Variants in MAP1LC3B2 observed in about 807,000 individuals in gnomAD.
The protein encoded by MAP1LC3B2 is microtubule associated protein 1 light chain 3 beta 2.
For missense variants in MAP1LC3B2, 155 were observed against 154.6 expected, an observed-to-expected ratio of 1.00 and a Z score of -0.01; for synonymous variants, 62 against 57.8, an observed-to-expected ratio of 1.07 and a Z score of -0.33.
At position 116,560,252 on chromosome 12, in the gene MAP1LC3B2, G is replaced by GTA. The variant is rs1446414621; in HGVS notation, c.-102+831_-102+832dup. Among the ~76,000 whole-genome samples, 36 of 100,354 alleles carry GTA rather than the reference G, an allele frequency of 3.6e-4. No homozygotes were observed. In the South Asian group the frequency reaches 5.1e-3, roughly 14 times the overall value. 65.8% of individuals were successfully genotyped at this position (100,354 alleles called of 152,430 possible). ...TATATATATATATATGTATGTATATGTATATATATATATTTAGATAGAGTC... is the reference window on the plus strand; with the variant it reads ...TATATATATATATATGTATGTATATGTATATATATATATATTTAGATAGAGTC... On this transcript the variant is annotated intron_variant, in intron 1 of 1. Transcript: ENST00000556529.
chr12:116,566,226 G>T (rs1466761782), intron 1 of MAP1LC3B2, among the ~76,000 whole-genome samples: 1 of 152,212 alleles, frequency 6.6e-6, no homozygotes, highest in African/African-American at 2.4e-5. Flanking sequence ...AAAACATGCA[G>T]CAAAATGCAT....
At chr12:116,571,254 C>T (rs1452746971) in intron 1 of MAP1LC3B2, among the ~76,000 whole-genome samples, 1 of 152,110 alleles carries the variant, frequency 6.6e-6, no homozygotes, top group Non-Finnish European at 1.5e-5. Flanking sequence ...ACGTCTTCCT[C>T]TTGGAAGTGC....
rs1869690357 is a variant in MAP1LC3B2 at position 116,576,461 on chromosome 12, G to A, written c.*141G>A. Reference sequence around the variant, plus strand: ...TGTTCCCACCTAGGAGTGTTAGGAAGTTGTGTTTGTGTTTCAAGCAGAAAA... The same window carrying A: ...TGTTCCCACCTAGGAGTGTTAGGAAATTGTGTTTGTGTTTCAAGCAGAAAA... On this transcript the variant is annotated 3_prime_UTR_variant, in exon 2 of 2. Coordinates refer to ENST00000556529, the MANE Select transcript of MAP1LC3B2 (RefSeq NM_001085481.3). 1 of 1,288,410 alleles carries A rather than the reference G, an allele frequency of 7.8e-7. No homozygotes were observed. 79.8% of individuals were successfully genotyped at this position (1,288,410 alleles called of 1,614,324 possible).
chr12:116,560,185 T>A (rs1320030933), intron 1 of MAP1LC3B2: 1 of 122,468 alleles, frequency 8.2e-6, no homozygotes, highest in Non-Finnish European at 1.7e-5. Context: ...AAGCTAAGTT[T>A]GGCTATATAT....
chr12:116,567,283 C>G (rs1214349052), intron 1 of MAP1LC3B2, among the ~76,000 whole-genome samples: 1 of 152,050 alleles, frequency 6.6e-6, no homozygotes, highest in African/African-American at 2.4e-5. Context: ...CCCTCAGGTT[C>G]TCAACTTAGA....
At chr12:116,575,025 C>CA (rs1869634853) in intron 1 of MAP1LC3B2, among the ~76,000 whole-genome samples, 2 of 151,820 alleles carry the variant, frequency 1.3e-5, no homozygotes, top group Non-Finnish European at 2.9e-5. Flanking sequence ...ACTAAAAATA[C>CA]AAAAATTATC....
Position 116,576,048 on chromosome 12 carries a change from G to A in MAP1LC3B2, c.106G>A (p.Glu36Lys). The A allele has an allele frequency of 6.2e-7, 1 of 1,614,214 alleles. No individual in the cohort carries two copies. Among genetic ancestry groups the A allele is most frequent in the Non-Finnish European group, 8.5e-7 (1 of 1,180,046 alleles). ...QHPTKIPVII[E>K]RYKGEKQLPV... ...TCCAACCAAAATCCCGGTGATAATA[G>A]AACGATACAAGGGTGAGAAGCAGCT... Residue 36 changes from glutamate to lysine, a missense_variant, in exon 2 of 2, where the codon GAA (glutamate) becomes AAA (lysine). Coordinates refer to ENST00000556529, the MANE Select transcript of MAP1LC3B2 (RefSeq NM_001085481.3).
chr12:116,571,458 C>CTTTTTTTT lies in MAP1LC3B2; in HGVS notation c.-101-4351_-101-4344dup, dbSNP rs71095564. ...TAGATGGGAGTAAGGGACTGCTGTT[C>CTTTTTTTT]TTTTTTTTTTTTTTTTTTTTTTTTT... On this transcript the variant is annotated intron_variant, in intron 1 of 1. Coordinates refer to ENST00000556529, the MANE Select transcript of MAP1LC3B2 (RefSeq NM_001085481.3). Among the ~76,000 whole-genome samples, 268 of 48,108 alleles carry CTTTTTTTT rather than the reference C, an allele frequency of 5.6e-3. 58 individuals carry two copies. The highest frequency in any genetic ancestry group is 0.028 in the East Asian group (23 of 808). 31.6% of individuals were successfully genotyped at this position (48,108 alleles called of 152,430 possible).
chr12:116,560,224 A>ATATATATT (rs1869229762), intron 1 of MAP1LC3B2: 1 of 108,568 alleles, frequency 9.2e-6, no homozygotes, highest in Non-Finnish European at 1.9e-5. Flanking sequence ...ATATATATAT[A>ATATATATT]TATATATATA....
At chr12:116,571,458 CTTTTTTTTTTTTTTTTTTTTT>C (rs71095564) in intron 1 of MAP1LC3B2, among the ~76,000 whole-genome samples, 23 of 48,110 alleles carry the variant, frequency 4.8e-4, no homozygotes, top group Non-Finnish European at 5.8e-4. Flanking sequence ...GACTGCTGTT[CTTTTTTTTTTTTTTTTTTTTT>C]TTTTTTTTTT....
At position 116,574,412 on chromosome 12, in the gene MAP1LC3B2, G is replaced by A. The variant is rs1168239136; in HGVS notation, c.-101-1430G>A. On this transcript the variant is annotated intron_variant, in intron 1 of 1. Coordinates refer to ENST00000556529, the MANE Select transcript of MAP1LC3B2 (RefSeq NM_001085481.3). ...ATCTACCACATAAGGAGGCCGAGGT[G>A]GGCAGATCTCTTGAGCCCAGGAATT... Among the ~76,000 whole-genome samples, 10 of 152,046 alleles carry A rather than the reference G, an allele frequency of 6.6e-5. No individual in the cohort carries two copies. In the East Asian group the frequency reaches 1.3e-3, roughly 21 times the overall value.
chr12:116,566,423 A>C (rs1869385691), intron 1 of MAP1LC3B2, among the ~76,000 whole-genome samples: 1 of 152,094 alleles, frequency 6.6e-6, no homozygotes, highest in Non-Finnish European at 1.5e-5. Flanking sequence ...CTCTGCTTAG[A>C]TTGTTGTGAG....
At chr12:116,575,237 AG>A (rs955163344) in intron 1 of MAP1LC3B2, among the ~76,000 whole-genome samples, 2 of 152,266 alleles carry the variant, frequency 1.3e-5, no homozygotes, top group South Asian at 4.1e-4. Flanking sequence ...AAAATAAAGA[AG>A]AAAAAAAGTC....
rs915866402 is a variant in MAP1LC3B2 at position 116,560,523 on chromosome 12, A to G, written c.-102+1090A>G. On this transcript the variant is annotated intron_variant, in intron 1 of 1. Transcript: ENST00000556529. ...CGGCCTCCCAAAGTCTTGGGATTAC[A>G]GGTGTGAACCATCACATCTGGCCTA... is the stretch of plus-strand genomic sequence containing the variant. 1.3e-4 allele frequency among the ~76,000 whole-genome samples: 20 copies of G among 152,206 alleles called. No individual in the cohort carries two copies. In the East Asian group the frequency reaches 3.5e-3, roughly 27 times the overall value.
intron 1 of MAP1LC3B2, among the ~76,000 whole-genome samples, chr12:116,573,598 C>A (rs1286636988): frequency 1.3e-5 from 2 of 152,154 alleles, no homozygotes; most frequent in Admixed American, 6.6e-5. Flanking sequence ...CTCACTGCAA[C>A]CTCTGCCTCC....
chr12:116,563,830 C>G (rs1170907484), intron 1 of MAP1LC3B2, among the ~76,000 whole-genome samples: 1 of 151,950 alleles, frequency 6.6e-6, no homozygotes, highest in African/African-American at 2.4e-5. Flanking sequence ...ATGTGAATAA[C>G]TTCTATTATT....
intron 1 of MAP1LC3B2, among the ~76,000 whole-genome samples, chr12:116,562,846 T>C (rs2136959087): frequency 6.6e-6 from 1 of 152,364 alleles, no homozygotes; most frequent in Non-Finnish European, 1.5e-5. Flanking sequence ...ATTTCAAAGA[T>C]ACAGAAGCAT....
chr12:116,563,118 T>A (rs964103374), intron 1 of MAP1LC3B2, among the ~76,000 whole-genome samples: 1 of 152,024 alleles, frequency 6.6e-6, no homozygotes, highest in East Asian at 1.9e-4. Flanking sequence ...TGCACCACCA[T>A]GCCTGGTTAA....
intron 1 of MAP1LC3B2, among the ~76,000 whole-genome samples, chr12:116,566,616 TAAAA>T (rs58530141): frequency 1.1e-5 from 1 of 91,624 alleles, no homozygotes; most frequent in African/African-American, 4.1e-5. Context: ...AGTCAGTGAT[TAAAA>T]AAAAAAAAAA....
Sources: allele counts gnomAD v4.1 joint callset (sites outside exome capture counted in the v4.1 genomes callset), GRCh38; gene constraint gnomAD v4.1.1; transcripts MANE v1.5; gene names NCBI Gene and HGNC (gene_info 2026-07-23, HGNC 2026-07-21).